Variants in DMD observed in about 807,000 individuals in gnomAD.
DMD encodes the protein mutant dystrophin.
In DMD, 63 loss-of-function variants were observed where a neutral mutation model predicts 330.1. That is an observed-to-expected ratio of 0.19 (90% CI 0.16 to 0.24). The LOEUF (loss-of-function observed/expected upper bound fraction) is 0.24, where lower values mean the gene tolerates loss of function less well. Among genes scored for constraint, DMD ranks in the 10% least tolerant of loss-of-function variants. The pLI, the probability that DMD is intolerant of heterozygous loss-of-function variation, is 1.00. For synonymous variants in DMD, 1,223 were observed against 959.8 expected (o/e 1.27, Z -5.07); for missense variants, 3,344 against 2,684.1 (o/e 1.25, Z -5.43).
chrX:32,830,512 G>T (rs1461262521), intron 4 of DMD, among the ~76,000 whole-genome samples: 1 of 111,522 alleles, frequency 9.0e-6, no homozygotes, highest in African/African-American at 3.3e-5. Context: ...GCACTCTATG[G>T]TTGGAAATTA....
chrX:31,245,613 T>A (rs1202048455), intron 63 of DMD, among the ~76,000 whole-genome samples: 1 of 112,231 alleles, frequency 8.9e-6, no homozygotes, highest in African/African-American at 3.2e-5. Flanking sequence ...ATGTGCTCAC[T>A]TTGGGTCTGT....
intron 63 of DMD, among the ~76,000 whole-genome samples, chrX:31,228,403 T>C (rs773279459): frequency 9.0e-4 from 100 of 111,003 alleles, no homozygotes; most frequent in African/African-American, 3.0e-3. Flanking sequence ...CCTACAAGTC[T>C]ACTACTCAAG....
At chrX:32,815,021 T>G (rs993314400) in intron 6 of DMD, among the ~76,000 whole-genome samples, 1 of 111,396 alleles carries the variant, frequency 9.0e-6, no homozygotes, top group Non-Finnish European at 1.9e-5. Flanking sequence ...CTAACTGTAT[T>G]GAGGCTGTGG....
intron 11 of DMD, among the ~76,000 whole-genome samples, chrX:32,635,950 T>A (rs1219726447): frequency 8.9e-6 from 1 of 111,870 alleles, no homozygotes; most frequent in Non-Finnish European, 1.9e-5. Flanking sequence ...GAAACCCTAC[T>A]GGCCTAGTTT....
intron 7 of DMD, among the ~76,000 whole-genome samples, chrX:32,736,037 C>A (rs1460884252): frequency 3.6e-5 from 4 of 111,587 alleles, no homozygotes; most frequent in African/African-American, 1.3e-4. Context: ...GGCTAATATC[C>A]AGAATCTACA....
chrX:32,078,226 T>A (rs2096367050), intron 44 of DMD, among the ~76,000 whole-genome samples: 1 of 96,747 alleles, frequency 1.0e-5, no homozygotes, highest in Non-Finnish European at 2.0e-5. Context: ...TCATCATAAT[T>A]ATTCAAGTTA....
intron 43 of DMD, among the ~76,000 whole-genome samples, chrX:32,250,153 T>C (rs2097257897): frequency 1.8e-5 from 2 of 111,451 alleles, no homozygotes; most frequent in Admixed American, 1.9e-4. Flanking sequence ...GGAGGATTTT[T>C]AGGAGCTTCA....
intron 7 of DMD, among the ~76,000 whole-genome samples, chrX:32,777,277 T>TGGGGGGCGGGGGGGGTTGGG (rs1557019895): frequency 4.7e-4 from 1 of 2,113 alleles, no homozygotes; most frequent in African/African-American, 3.1e-3. Flanking sequence ...GGTTTCTGGT[T>TGGGGGGCGGGGGGGGTTGGG]GGGGGGGGAA....
intron 7 of DMD, among the ~76,000 whole-genome samples, chrX:32,741,851 C>G (rs1223672251): frequency 1.8e-5 from 2 of 111,974 alleles, no homozygotes; most frequent in Non-Finnish European, 3.8e-5. Flanking sequence ...TTAAACATGA[C>G]TAGCCTAGAA....
chrX:31,151,051 C>G lies in DMD; in HGVS notation c.10554-3533G>C, dbSNP rs150609939. On this transcript the variant is annotated intron_variant, in intron 74 of 78. Transcript: ENST00000357033. ...TTTATTTCATAGCAATCTGCTTTGA[C>G]AAAGCAGTGATGAGAAGAGATTCAT... is the stretch of plus-strand genomic sequence containing the variant. 3.6e-3 allele frequency among the ~76,000 whole-genome samples: 404 copies of G among 111,950 alleles called. 1 individual carries two copies. The highest frequency in any genetic ancestry group is 0.012 in the African/African-American group (380 of 30,884).
chrX:31,953,331 G>A (rs773371561), intron 45 of DMD, among the ~76,000 whole-genome samples: 2 of 112,010 alleles, frequency 1.8e-5, no homozygotes, highest in South Asian at 7.4e-4. Context: ...TGGACATGGA[G>A]TTTTAAACTT....
chrX:32,536,708 G>T (rs1603635753), intron 17 of DMD, among the ~76,000 whole-genome samples: 1 of 111,981 alleles, frequency 8.9e-6, no homozygotes, highest in Non-Finnish European at 1.9e-5. Context: ...TATCTCAATT[G>T]TGGACTGGTA....
intron 44 of DMD, among the ~76,000 whole-genome samples, chrX:32,076,032 G>A: frequency 1.4e-5 from 1 of 73,782 alleles, no homozygotes; most frequent in Non-Finnish European, 2.4e-5. Context: ...CAGCCTGGGT[G>A]ACAGAACGAG....
chrX:32,594,302 C>T (rs1569271084), intron 13 of DMD, among the ~76,000 whole-genome samples: 1 of 111,257 alleles, frequency 9.0e-6, no homozygotes, highest in South Asian at 3.7e-4. Flanking sequence ...CCTTTTTGAG[C>T]CTCTGGATGG....
intron 43 of DMD, among the ~76,000 whole-genome samples, chrX:32,232,752 G>T (rs2097173360): frequency 8.9e-6 from 1 of 111,830 alleles, no homozygotes; most frequent in African/African-American, 3.2e-5. Flanking sequence ...ACCTGTAGGG[G>T]TTGCTTTATT....
chrX:31,261,917 G>A, intron 62 of DMD: 1 of 112,045 alleles, frequency 8.9e-6, no homozygotes. Context: ...AATGATATTT[G>A]GGTACTCATA....
intron 2 of DMD, among the ~76,000 whole-genome samples, chrX:32,922,166 C>A (rs2088484822): frequency 9.4e-6 from 1 of 106,821 alleles, no homozygotes; most frequent in Non-Finnish European, 1.9e-5. Context: ...GTTTGAAAGC[C>A]CTGACATGAT....
In DMD at chrX:31,941,575, T is replaced by C. The variant is rs2095001498; in HGVS notation, c.6615-9348A>G. Among the ~76,000 whole-genome samples, 3 of 111,405 alleles carry C rather than the reference T, an allele frequency of 2.7e-5. No individual in the cohort carries two copies. The South Asian group carries it at 1.1e-3, about 42-fold the overall frequency. ...TTTCAACTTTTATTTTTGATCCAGG[T>C]AGTATACGTACAGGTTTGTTACCTG... On this transcript the variant is annotated intron_variant, in intron 45 of 78. Transcript: ENST00000357033.
intron 44 of DMD, among the ~76,000 whole-genome samples, chrX:32,000,894 G>A (rs750885559): frequency 9.0e-6 from 1 of 111,417 alleles, no homozygotes; most frequent in Non-Finnish European, 1.9e-5. Context: ...ATAGAGAGAC[G>A]GCTTCTTTGT....
Sources: allele counts gnomAD v4.1 joint callset (sites outside exome capture counted in the v4.1 genomes callset), GRCh38; gene constraint gnomAD v4.1.1; transcripts MANE v1.5; gene names NCBI Gene and HGNC (gene_info 2026-07-23, HGNC 2026-07-21).